PAX1: variants seen among roughly 807,000 people sequenced by gnomAD.
The protein encoded by PAX1 is paired box protein Pax-1.
PAX1 carries 18 observed loss-of-function variants against 35.6 expected under a neutral mutation model. The observed-to-expected ratio is 0.50, with a 90% CI of 0.35 to 0.75. The LOEUF is 0.75. Among genes scored for constraint, PAX1 ranks in the 30% least tolerant of loss-of-function variants. The probability of loss-of-function intolerance (pLI) is 0.01; values close to 1 mark genes in which losing one functional copy is unlikely to be tolerated. For synonymous variants in PAX1, 397 were observed against 305.2 expected (o/e 1.30, Z -3.14); for missense variants, 760 against 661.5 (o/e 1.15, Z -1.63).
At position 21,715,768 on chromosome 20, in the gene PAX1, C is replaced by A. The variant is rs1345533858; in HGVS notation, c.*1206C>A. ...TGCAAGGGATGAGGGTTAAAAAAAA[C>A]AAAACAAAACAAACAACAACAACAA... On this transcript the variant is annotated 3_prime_UTR_variant, in exon 5 of 5. Transcript: ENST00000613128. The A allele has an allele frequency of 1.3e-5, 2 of 152,132 alleles. No individual in the cohort carries two copies. The highest frequency in any genetic ancestry group is 2.9e-5 in the Non-Finnish European group (2 of 68,396). The allele number at this position is 152,132 out of a possible 1,614,324, so 9.4% of individuals were successfully genotyped here.
In PAX1 at chr20:21,714,666, C is replaced by G; in HGVS notation, c.*104C>G. On this transcript the variant is annotated 3_prime_UTR_variant, in exon 5 of 5. Transcript: ENST00000613128. ...AATCGGCACGGGCAGGATCGGAGGACTCGCGGAGGAGGAAGCCAGTGCCGG... is the reference window on the plus strand; with the variant it reads ...AATCGGCACGGGCAGGATCGGAGGAGTCGCGGAGGAGGAAGCCAGTGCCGG... 6.2e-7 allele frequency: 1 copy of G among 1,603,210 alleles called. No homozygotes were observed. The highest frequency in any genetic ancestry group is 8.5e-7 in the Non-Finnish European group (1 of 1,177,684).
rs6047587 is a variant in PAX1 at position 21,706,040 on chromosome 20, G to T, written c.286+42G>T. On this transcript the variant is annotated intron_variant, in intron 1 of 4. Coordinates refer to ENST00000613128, the MANE Select transcript of PAX1 (RefSeq NM_001257096.2). This position sits in a 1 kb window ranked among gnomAD's most constrained non-coding sequence, Gnocchi z 5.3. ...AGGCAGGGCTCGGGAGGGCTGATGA[G>T]GTGGGTCGGGTCCGCCTGCCTCCCT... The T allele has an allele frequency of 7.0e-7, 1 of 1,425,152 alleles. No homozygotes were observed. Among genetic ancestry groups the T allele is most frequent in the African/African-American group, 1.4e-5 (1 of 69,896 alleles). The allele number at this position is 1,425,152 out of a possible 1,614,324, so 88.3% of individuals were successfully genotyped here. A position where few individuals can be genotyped will look rare whatever the true frequency, so the allele number is the denominator to read the frequency against.
intron 4 of PAX1, among the ~76,000 whole-genome samples, chr20:21,710,481 C>G (rs1365655028): frequency 6.6e-6 from 1 of 152,194 alleles, no homozygotes; most frequent in Non-Finnish European, 1.5e-5. Flanking sequence ...AGGCACAAAC[C>G]TGGGGGACAG....
intron 2 of PAX1, chr20:21,708,189 T>C: frequency 2.5e-6 from 1 of 396,804 alleles, no homozygotes; most frequent in South Asian, 2.2e-5. Context: ...GTGCAGATGT[T>C]GAGAAATCAA....
At position 21,706,175 on chromosome 20, in the gene PAX1, T is replaced by C. The variant is rs891427993; in HGVS notation, c.286+177T>C. The C allele has an allele frequency of 1.3e-6, 1 of 769,876 alleles. No homozygotes were observed. Among genetic ancestry groups the C allele is most frequent in the African/African-American group, 1.7e-5 (1 of 58,248 alleles). 47.7% of individuals were successfully genotyped at this position (769,876 alleles called of 1,614,324 possible). A position where few individuals can be genotyped will look rare whatever the true frequency, so the allele number is the denominator to read the frequency against. ...CAGTTGAGCAAGTCTGGGAAGGGAG[T>C]GTTCCAAGTAGACGCGCTAAAAGTC... On this transcript the variant is annotated intron_variant, in intron 1 of 4. Transcript: ENST00000613128. The surrounding 1 kb of genome is among the most constrained non-coding windows in gnomAD (Gnocchi z 5.3).
chr20:21,706,619 G>T lies in PAX1; in HGVS notation c.468G>T (p.Glu156Asp), dbSNP rs1456007820. The T allele has an allele frequency of 1.2e-6, 2 of 1,612,212 alleles. No individual in the cohort carries two copies. The highest frequency in any genetic ancestry group is 2.2e-5 in the South Asian group (2 of 91,084). ...GCAAGATCCTGGCGCGCTACAACGA[G>T]ACCGGCTCCATTCTGCCCGGGGCCA... is the stretch of plus-strand genomic sequence containing the variant. The part of the protein sequence containing the change: ...CVSKILARYN[E>D]TGSILPGAIG... Residue 156 changes from glutamate (E) to aspartate (D), a missense_variant, in exon 2 of 5, where the codon GAG (glutamate) becomes GAT (aspartate). By Grantham distance (45) the Glu-to-Asp change is conservative. This residue lies in a region of PAX1 where 490 missense variants were observed against 428.4 expected (regional missense o/e 1.14). Coordinates refer to ENST00000613128, the MANE Select transcript of PAX1 (RefSeq NM_001257096.2). This position sits in a 1 kb window ranked among gnomAD's most constrained non-coding sequence, Gnocchi z 5.3.
chr20:21,714,585 G>A lies in PAX1; in HGVS notation c.*23G>A, dbSNP rs760787621. The A allele has an allele frequency of 3.2e-5, 51 of 1,578,274 alleles. No individual in the cohort carries two copies. The African/African-American group carries it at 4.8e-4, about 15-fold the overall frequency. ...TAGGGGCAGCTCTCCCCGGACCCGA[G>A]CCCGGAGGGAACGGCAGGCGGACCC... On this transcript the variant is annotated 3_prime_UTR_variant, in exon 5 of 5. Transcript: ENST00000613128.
In PAX1 at chr20:21,717,539, AT is replaced by A. The variant is rs1236585866; in HGVS notation, c.*2979del. 2 of 152,170 alleles carry A rather than the reference AT, an allele frequency of 1.3e-5. No individual in the cohort carries two copies. The highest frequency in any genetic ancestry group is 2.9e-5 in the Non-Finnish European group (2 of 68,028). 9.4% of individuals were successfully genotyped at this position (152,170 alleles called of 1,614,324 possible). On this transcript the variant is annotated 3_prime_UTR_variant, in exon 5 of 5. Coordinates refer to ENST00000613128, the MANE Select transcript of PAX1 (RefSeq NM_001257096.2). Reference sequence around the variant, plus strand: ...ATTTAAATATTTTCCAAAAGATCCCATTGGAATATTGCACTTTTGCTCTTTG... The same window carrying A: ...ATTTAAATATTTTCCAAAAGATCCCATGGAATATTGCACTTTTGCTCTTTG...
intron 2 of PAX1, 109 bp downstream of exon 2, chr20:21,707,176 C>A: frequency 7.3e-7 from 1 of 1,376,530 alleles, no homozygotes; most frequent in Non-Finnish European, 1.0e-6. Context: ...GGTTCTGGCT[C>A]AGGGGAGGGC....
At chr20:21,708,921 G>T (rs968408447) in intron 3 of PAX1, among the ~76,000 whole-genome samples, 2 of 152,170 alleles carry the variant, frequency 1.3e-5, no homozygotes, top group Middle Eastern at 3.2e-3. Flanking sequence ...AGATAGCTTA[G>T]CTAAAAAAAG....
chr20:21,706,827 G>T lies in PAX1; in HGVS notation c.676G>T (p.Gly226Cys), dbSNP rs757176395. 3 of 1,613,378 alleles carry T rather than the reference G, an allele frequency of 1.9e-6. No homozygotes were observed. The highest frequency in any genetic ancestry group is 2.7e-5 in the African/African-American group (2 of 74,940). The stretch of plus-strand genomic sequence containing the variant: ...CAGCCGCATCCTGCGCAACAAGATC[G>T]GCAGCCTGGCGCAGCCCGGACCGTA... ...SISRILRNKI[G>C]SLAQPGPYEA... is the part of the protein sequence containing the mutation. The change falls in exon 2 of 5, where the codon GGC (glycine) becomes TGC (cysteine). Residue 226 changes from glycine to cysteine, a missense_variant. Gly to Cys is a radical substitution (Grantham distance 159). Around this residue, in one of 3 missense-constraint regions of PAX1, gnomAD observed 490 missense variants for 428.4 expected, o/e 1.14. Transcript: ENST00000613128. This position sits in a 1 kb window ranked among gnomAD's most constrained non-coding sequence, Gnocchi z 5.3.
Position 21,714,538 on chromosome 20 carries a change from G to A in PAX1, c.1350G>A (p.Leu450=). The A allele has an allele frequency of 6.3e-7, 1 of 1,594,852 alleles. No homozygotes were observed. Among genetic ancestry groups the A allele is most frequent in the African/African-American group, 1.3e-5 (1 of 74,718 alleles). Residue 450 remains leucine (L), a synonymous_variant, in exon 5 of 5, where the codon CTG becomes CTA. Coordinates refer to ENST00000613128, the MANE Select transcript of PAX1 (RefSeq NM_001257096.2). ...APDALSSLHG[L]PIPASTS is the part of the protein sequence containing the mutation. ...ACGCCCTCAGTAGCTTACACGGACT[G>A]CCCATCCCGGCCTCGACCTCCTAGG...
intron 4 of PAX1, among the ~76,000 whole-genome samples, chr20:21,711,048 A>G (rs936742918): frequency 1.3e-5 from 2 of 152,246 alleles, no homozygotes; most frequent in Admixed American, 6.5e-5. Context: ...TCAGCCTCCA[A>G]TCAACCTGTT....
At position 21,708,235 on chromosome 20, in the gene PAX1, G is replaced by C. The variant is rs533703158; in HGVS notation, c.917-323G>C. On this transcript the variant is annotated intron_variant, in intron 2 of 4. Transcript: ENST00000613128. The stretch of plus-strand genomic sequence containing the variant: ...ATGAGGTTGCTGTAGCTTTGAACTC[G>C]GAAGTTTCTGGGAGCCGTGTCTGGA... 6.0e-6 allele frequency: 3 copies of C among 503,416 alleles called. No homozygotes were observed. In the East Asian group the frequency reaches 1.1e-4, roughly 18 times the overall value. 31.2% of individuals were successfully genotyped at this position (503,416 alleles called of 1,614,324 possible).
rs548166260 is a variant in PAX1, at chr20:21,714,951, C to T, written c.*389C>T. 1.3e-3 allele frequency: 986 copies of T among 746,318 alleles called. 1 individual carries two copies. Among genetic ancestry groups the T allele is most frequent in the Admixed American group, 2.0e-3 (100 of 49,316 alleles). The allele number at this position is 746,318 out of a possible 1,614,324, so 46.2% of individuals were successfully genotyped here. ...CCCTCTTTCTTTCTCACTCTCCCTC[C>T]CTTCCCTTTCTCTTTCCCTTCCTCC... is the stretch of plus-strand genomic sequence containing the variant. On this transcript the variant is annotated 3_prime_UTR_variant, in exon 5 of 5. Coordinates refer to ENST00000613128, the MANE Select transcript of PAX1 (RefSeq NM_001257096.2).
chr20:21,711,774 G>T (rs556971009), intron 4 of PAX1, among the ~76,000 whole-genome samples: 1 of 152,154 alleles, frequency 6.6e-6, no homozygotes, highest in African/African-American at 2.4e-5. Context: ...ACATGCTTGG[G>T]TTATGGATTT....
intron 2 of PAX1, among the ~76,000 whole-genome samples, chr20:21,707,400 T>C (rs1985054251): frequency 6.6e-6 from 1 of 152,140 alleles, no homozygotes; most frequent in African/African-American, 2.4e-5. Context: ...CCGCTCAATT[T>C]TGAGACCCTT....
At chr20:21,709,586 T>A in intron 4 of PAX1, 142 bp downstream of exon 4, 1 of 645,564 alleles carries the variant, frequency 1.5e-6, no homozygotes, top group Non-Finnish European at 2.6e-6. Context: ...GGTTAACCTT[T>A]GAGCATGTAG....
rs561756801 is a variant in PAX1, at chr20:21,716,013, C to G, written c.*1451C>G. 1 of 152,208 alleles carries G rather than the reference C, an allele frequency of 6.6e-6. No homozygotes were observed. The highest frequency in any genetic ancestry group is 1.5e-5 in the Non-Finnish European group (1 of 68,062). The allele number at this position is 152,208 out of a possible 1,614,324, so 9.4% of individuals were successfully genotyped here. ...TGAGGTGAGCAAGTCTGTTTCTGAG[C>G]GCAGAGTGTTGAGTTCTTACTCCGT... On this transcript the variant is annotated 3_prime_UTR_variant, in exon 5 of 5. Coordinates refer to ENST00000613128, the MANE Select transcript of PAX1 (RefSeq NM_001257096.2).
Sources: gnomAD v4.1 joint callset for allele counts (sites outside exome capture counted in the v4.1 genomes callset) on GRCh38, gnomAD v4.1.1 for gene constraint, gnomAD v4.1.1 regional missense constraint, Gnocchi (gnomAD v3.1) non-coding constraint, MANE v1.5 for transcripts, NCBI Gene and HGNC (gene_info 2026-07-23, HGNC 2026-07-21) for gene names.